The following IFNG-AS1 variants were observed in gnomAD, a reference collection of about 807,000 sequenced individuals.
The protein encoded by IFNG-AS1 is IFNG regulatory antisense RNA 1, also known as IFNG antisense RNA 1 (non-protein coding).
intron 2 of IFNG-AS1, among the ~76,000 whole-genome samples, chr12:68,005,208 G>T (rs535931781): frequency 6.6e-6 from 1 of 152,310 alleles, no homozygotes; most frequent in East Asian, 1.9e-4. Context: ...CTACTCTCCA[G>T]AGGGAAGATC....
At chr12:68,015,167 T>A (rs1880120414) in intron 3 of IFNG-AS1, among the ~76,000 whole-genome samples, 1 of 152,234 alleles carries the variant, frequency 6.6e-6, no homozygotes, top group Non-Finnish European at 1.5e-5. Context: ...AGGTCTTATC[T>A]AAAGCAAGCC....
At chr12:67,990,092 T>C (rs560555382) in intron 1 of IFNG-AS1, among the ~76,000 whole-genome samples, 43 of 152,188 alleles carry the variant, frequency 2.8e-4, no homozygotes, top group Non-Finnish European at 5.9e-4. Context: ...TAATTTAGGG[T>C]GATTTTTTAA....
chr12:68,005,426 T>A (rs186185850), intron 2 of IFNG-AS1, among the ~76,000 whole-genome samples: 2 of 152,154 alleles, frequency 1.3e-5, no homozygotes, highest in Admixed American at 1.3e-4. Context: ...AGAGCCATTC[T>A]CCCCTTACAC....
chr12:67,990,886 C>A (rs1366176085), intron 1 of IFNG-AS1, among the ~76,000 whole-genome samples: 1 of 151,258 alleles, frequency 6.6e-6, no homozygotes, highest in African/African-American at 2.4e-5. Context: ...GCCACCGCTA[C>A]ATAAATAATT....
intron 3 of IFNG-AS1, among the ~76,000 whole-genome samples, chr12:68,010,858 G>A (rs1054811685): frequency 1.3e-5 from 2 of 152,160 alleles, no homozygotes; most frequent in Non-Finnish European, 2.9e-5. Context: ...CAGCATTTCA[G>A]CTTCCTTTTA....
chr12:67,998,228 C>T (rs1879686606), intron 2 of IFNG-AS1, among the ~76,000 whole-genome samples: 1 of 151,846 alleles, frequency 6.6e-6, no homozygotes, highest in East Asian at 1.9e-4. Context: ...ATATTGGAAA[C>T]AATGTAAATA....
chr12:68,004,511 G>A (rs915292565), intron 2 of IFNG-AS1, among the ~76,000 whole-genome samples: 1 of 152,170 alleles, frequency 6.6e-6, no homozygotes, highest in Non-Finnish European at 1.5e-5. Flanking sequence ...TGGATCCTCC[G>A]TGCATGGCCT....
At chr12:68,017,939 C>A (rs1880193120) in intron 3 of IFNG-AS1, among the ~76,000 whole-genome samples, 1 of 152,252 alleles carries the variant, frequency 6.6e-6, no homozygotes, top group Non-Finnish European at 1.5e-5. Context: ...TACTTCCCAG[C>A]TACTATTTTT....
chr12:68,003,997 A>G (rs990224267), intron 2 of IFNG-AS1, among the ~76,000 whole-genome samples: 3 of 69,868 alleles, frequency 4.3e-5, no homozygotes, highest in African/African-American at 1.3e-4. Flanking sequence ...CTTTGCTGAC[A>G]TTCAAAAACA....
chr12:68,002,746 G>A (rs772955665), intron 2 of IFNG-AS1, among the ~76,000 whole-genome samples: 2 of 152,114 alleles, frequency 1.3e-5, no homozygotes, highest in Non-Finnish European at 2.9e-5. Flanking sequence ...CATAGATGAG[G>A]ACTTTTGAGG....
chr12:68,003,460 C>A (rs1470976885), intron 2 of IFNG-AS1, among the ~76,000 whole-genome samples: 10 of 145,544 alleles, frequency 6.9e-5, no homozygotes, highest in African/African-American at 2.5e-5. Flanking sequence ...ACCTGATTAA[C>A]CTCCATGAGT....
chr12:68,005,894 A>G (rs1879894666), intron 2 of IFNG-AS1, among the ~76,000 whole-genome samples: 1 of 152,232 alleles, frequency 6.6e-6, no homozygotes, highest in South Asian at 2.1e-4. Context: ...ATACCTTCCC[A>G]GGGTTAAAAT....
intron 2 of IFNG-AS1, among the ~76,000 whole-genome samples, chr12:68,002,904 C>G (rs1297626139): frequency 6.6e-6 from 1 of 152,154 alleles, no homozygotes; most frequent in Non-Finnish European, 1.5e-5. Context: ...TCAAGTCTCT[C>G]TAAGTAGGTA....
intron 1 of IFNG-AS1, among the ~76,000 whole-genome samples, chr12:67,992,298 A>G (rs190521902): frequency 1.4e-3 from 206 of 152,380 alleles, no homozygotes; most frequent in Non-Finnish European, 2.7e-3. Context: ...TTTCACTGCT[A>G]CATAGTATTC....
chr12:67,994,266 G>T (rs933668493), intron 1 of IFNG-AS1, among the ~76,000 whole-genome samples: 26 of 152,318 alleles, frequency 1.7e-4, no homozygotes, highest in African/African-American at 6.0e-4. Flanking sequence ...CTATAACAGA[G>T]AATGAGTTAA....
At chr12:68,013,810 G>A (rs1207186723) in intron 3 of IFNG-AS1, among the ~76,000 whole-genome samples, 1 of 152,178 alleles carries the variant, frequency 6.6e-6, no homozygotes, top group Admixed American at 6.5e-5. Context: ...TTTTCCCATA[G>A]GATATTGGGG....
chr12:68,003,424 C>CTTT (rs530422946), intron 2 of IFNG-AS1, among the ~76,000 whole-genome samples: 4 of 136,506 alleles, frequency 2.9e-5, no homozygotes, highest in Non-Finnish European at 4.6e-5. Context: ...CATATTCCCC[C>CTTT]CTTTTTTTTT....
intron 3 of IFNG-AS1, among the ~76,000 whole-genome samples, chr12:68,011,265 G>A (rs901357886): frequency 2.0e-5 from 3 of 152,196 alleles, no homozygotes; most frequent in African/African-American, 7.2e-5. Flanking sequence ...ACAAGTAATC[G>A]AGTAAGGTAA....
chr12:68,002,015 T>C (rs556341632), intron 2 of IFNG-AS1, among the ~76,000 whole-genome samples: 6 of 152,228 alleles, frequency 3.9e-5, no homozygotes, highest in African/African-American at 7.2e-5. Flanking sequence ...AATTATATTA[T>C]TGATTTAGGT....
Sources: gnomAD v4.1 joint callset for allele counts (sites outside exome capture counted in the v4.1 genomes callset) on GRCh38, gnomAD v4.1.1 for gene constraint, MANE v1.5 for transcripts, NCBI Gene and HGNC (gene_info 2026-07-23, HGNC 2026-07-21) for gene names.